The following ADARB2 variants were observed in gnomAD, a reference collection of about 807,000 sequenced individuals.
ADARB2 encodes the protein inactive double-stranded RNA-specific editase B2.
Under a neutral mutation model 62.2 loss-of-function variants are expected in ADARB2, and 25 were observed. The ratio of observed to expected loss-of-function variants is 0.40; its 90% CI spans 0.29 to 0.56. ADARB2 has a LOEUF of 0.56. Among genes scored for constraint, ADARB2 ranks in the 20% least tolerant of loss-of-function variants. The pLI, the probability that ADARB2 is intolerant of heterozygous loss-of-function variation, is 0.43. For synonymous variants in ADARB2, 572 were observed against 500.8 expected, an observed-to-expected ratio of 1.14 and a Z score of -1.90; for missense variants, 1,071 against 1,077.4, an observed-to-expected ratio of 0.99 and a Z score of 0.08.
intron 3 of ADARB2, among the ~76,000 whole-genome samples, chr10:1,298,616 A>G (rs542410080): frequency 6.6e-6 from 1 of 151,202 alleles, no homozygotes; most frequent in South Asian, 2.1e-4. Flanking sequence ...ACACACGTGG[A>G]TGGAGAAGAC....
At chr10:1,198,080 T>G (rs7087154) in intron 8 of ADARB2, among the ~76,000 whole-genome samples, 99,412 of 152,104 alleles carry the variant, frequency 0.65, 32,974 homozygotes, top group South Asian at 0.77. Context: ...GTTTGAGACA[T>G]CCTCGAAATG....
chr10:1,254,392 A>C (rs1346640428), intron 4 of ADARB2, among the ~76,000 whole-genome samples: 3 of 152,198 alleles, frequency 2.0e-5, no homozygotes, highest in African/African-American at 4.8e-5. Flanking sequence ...TCTTCACCAG[A>C]ACTGGGAGAA....
intron 4 of ADARB2, among the ~76,000 whole-genome samples, chr10:1,263,391 T>C (rs1463827533): frequency 6.6e-6 from 1 of 152,250 alleles, no homozygotes; most frequent in Admixed American, 6.5e-5. Flanking sequence ...TAGTGTCCTT[T>C]ATTTTTTCAC....
chr10:1,257,516 A>G (rs191138112), intron 4 of ADARB2, among the ~76,000 whole-genome samples: 272 of 152,260 alleles, frequency 1.8e-3, no homozygotes, highest in Non-Finnish European at 3.3e-3. Context: ...GCCTGCCTCC[A>G]TGCACACCTC....
At position 1,303,591 on chromosome 10, in the gene ADARB2, T is replaced by G. The variant is rs1831595828; in HGVS notation, c.1078-32522A>C. Among the ~76,000 whole-genome samples, 2 of 151,582 alleles carry G rather than the reference T, an allele frequency of 1.3e-5. 1 individual carries two copies. The highest frequency in any genetic ancestry group is 4.2e-4 in the South Asian group (2 of 4,760). ...CACATAATTGTCAGATTCACCAAAG[T>G]TGAAATGAAGGAAAAAATGTTAAGG... On this transcript the variant is annotated intron_variant, in intron 3 of 9. Coordinates refer to ENST00000381312, the MANE Select transcript of ADARB2 (RefSeq NM_018702.4).
chr10:1,218,620 A>G lies in ADARB2; in HGVS notation c.1514-1501T>C, dbSNP rs150956669. 3.0e-3 allele frequency among the ~76,000 whole-genome samples: 450 copies of G among 152,208 alleles called. 1 individual carries two copies. Among genetic ancestry groups the G allele is most frequent in the African/African-American group, 9.3e-3 (388 of 41,542 alleles). ...AAATCCATGTTGACATGTAATCCCC[A>G]GTGTCGGAGGTGGAATTTGGTGGGA... On this transcript the variant is annotated intron_variant, in intron 6 of 9. Coordinates refer to ENST00000381312, the MANE Select transcript of ADARB2 (RefSeq NM_018702.4).
chr10:1,712,471 G>A (rs1006948691), intron 1 of ADARB2, among the ~76,000 whole-genome samples: 1 of 151,878 alleles, frequency 6.6e-6, no homozygotes, highest in East Asian at 1.9e-4. Context: ...AGGAGAGGCT[G>A]TGTGGAAGCA....
At chr10:1,583,146 C>T (rs1291302244) in intron 1 of ADARB2, among the ~76,000 whole-genome samples, 2 of 152,194 alleles carry the variant, frequency 1.3e-5, no homozygotes, top group South Asian at 2.1e-4. Context: ...TGCCATAGAT[C>T]AACACTTGAC....
intron 1 of ADARB2, among the ~76,000 whole-genome samples, chr10:1,639,994 C>T (rs933829747): frequency 6.6e-6 from 1 of 152,116 alleles, no homozygotes; most frequent in Non-Finnish European, 1.5e-5. Flanking sequence ...AAACTTCAGG[C>T]CTTAATGGGG....
At chr10:1,242,812 AAGG>A (rs1209432391) in intron 4 of ADARB2, among the ~76,000 whole-genome samples, 2 of 152,200 alleles carry the variant, frequency 1.3e-5, no homozygotes, top group African/African-American at 4.8e-5. Flanking sequence ...CTAACACAGA[AAGG>A]AGGCTGGATG....
chr10:1,538,144 C>T (rs1297898342), intron 1 of ADARB2, among the ~76,000 whole-genome samples: 1 of 152,206 alleles, frequency 6.6e-6, no homozygotes, highest in Non-Finnish European at 1.5e-5. Flanking sequence ...TACTGAGCAC[C>T]TGCCTGCCTC....
intron 1 of ADARB2, among the ~76,000 whole-genome samples, chr10:1,438,175 T>A (rs761798389): frequency 6.6e-5 from 10 of 152,010 alleles, no homozygotes; most frequent in Admixed American, 1.3e-4. Context: ...GGCTCCTGAG[T>A]CTCTCCCAGG....
At chr10:1,368,865 C>CTCTGTGGT (rs1554757070) in intron 2 of ADARB2, among the ~76,000 whole-genome samples, 1 of 121,928 alleles carries the variant, frequency 8.2e-6, no homozygotes. Context: ...GCCGAGCTCG[C>CTCTGTGGT]CCTGTGGCAG....
chr10:1,363,967 C>A, intron 2 of ADARB2, 50 bp from the exon 3 acceptor site: 3 of 1,415,906 alleles, frequency 2.1e-6, no homozygotes, highest in South Asian at 3.1e-5. Flanking sequence ...GCCGGCAGGT[C>A]GATGGGCACA....
At chr10:1,245,592 GT>G (rs1001842112) in intron 4 of ADARB2, among the ~76,000 whole-genome samples, 1 of 151,272 alleles carries the variant, frequency 6.6e-6, no homozygotes, top group East Asian at 1.9e-4. Context: ...GCGGTGTTTG[GT>G]TTTTTGTCCT....
intron 1 of ADARB2, among the ~76,000 whole-genome samples, chr10:1,396,365 G>C (rs908405202): frequency 6.6e-6 from 1 of 152,120 alleles, no homozygotes; most frequent in Admixed American, 6.5e-5. Flanking sequence ...CAGCCTTCAC[G>C]CCCGTCTCTG....
At chr10:1,298,720 A>ATTTTT (rs75978268) in intron 3 of ADARB2, among the ~76,000 whole-genome samples, 2 of 110,782 alleles carry the variant, frequency 1.8e-5, no homozygotes, top group African/African-American at 4.3e-5. Context: ...TGCGACGGGA[A>ATTTTT]TTTTTTTTTT....
At chr10:1,627,257 C>T (rs1833782545) in intron 1 of ADARB2, among the ~76,000 whole-genome samples, 1 of 152,152 alleles carries the variant, frequency 6.6e-6, no homozygotes, top group African/African-American at 2.4e-5. Context: ...CTAGCCAAGG[C>T]AACTGAAGAT....
rs1210348074 is a variant in ADARB2 at position 1,509,131 on chromosome 10, C to T, written c.101-129971G>A. Among the ~76,000 whole-genome samples the T allele has an allele frequency of 2.0e-5, 3 of 152,146 alleles. No individual in the cohort carries two copies. The East Asian group carries it at 5.8e-4, about 29-fold the overall frequency. ...CTGCTTTCACTGCGTGCCATGCCCTCGGTGATTAGCGTGTTTTTCAGACTA... is the reference window on the plus strand; with the variant it reads ...CTGCTTTCACTGCGTGCCATGCCCTTGGTGATTAGCGTGTTTTTCAGACTA... On this transcript the variant is annotated intron_variant, in intron 1 of 9. Transcript: ENST00000381312.
Sources: gnomAD v4.1 joint callset for allele counts (sites outside exome capture counted in the v4.1 genomes callset) on GRCh38, gnomAD v4.1.1 for gene constraint, MANE v1.5 for transcripts, NCBI Gene and HGNC (gene_info 2026-07-23, HGNC 2026-07-21) for gene names.